DDX19B: variants seen among roughly 807,000 people sequenced by gnomAD.
DDX19B encodes the protein ATP-dependent RNA helicase DDX19B.
Under a neutral mutation model 58.1 loss-of-function variants are expected in DDX19B, and 27 were observed. The ratio of observed to expected loss-of-function variants is 0.46; its 90% confidence interval spans 0.34 to 0.64. The LOEUF is 0.64. DDX19B is among the 30% of genes least tolerant of loss of function. The probability of loss-of-function intolerance (pLI) is 0.01; values close to 1 mark genes in which losing one functional copy is unlikely to be tolerated. For missense variants in DDX19B, 399 were observed against 596.5 expected (o/e 0.67, Z 3.45); for synonymous variants, 187 against 214.4 (o/e 0.87, Z 1.12).
At chr16:70,290,762 T>A (rs776938731), upstream of DDX19B, among the ~76,000 whole-genome samples, 7 of 152,182 alleles carry the variant, frequency 4.6e-5, no homozygotes, top group Non-Finnish European at 1.0e-4. Flanking sequence ...TTCATTTGAT[T>A]TTTAAACTGT....
chr16:70,331,907 C>T, intron 10 of DDX19B, 23 bp downstream of exon 10: 1 of 1,608,698 alleles, frequency 6.2e-7, no homozygotes, highest in African/African-American at 1.3e-5. Context: ...CGTGTCCCAC[C>T]TGGTCTGCCA....
At position 70,325,604 on chromosome 16, in the gene DDX19B, G is replaced by A. The variant is rs751106898; in HGVS notation, c.523G>A (p.Ala175Thr). The A allele has an allele frequency of 4.3e-6, 7 of 1,613,958 alleles. No individual in the cohort carries two copies. The highest frequency in any genetic ancestry group is 2.2e-5 in the East Asian group (1 of 44,874). Reference sequence around the variant, plus strand: ...ATGTCTCTCCCCAACGTATGAGCTCGCCCTCCAAACAGGAAAAGTGATTGA... The same window carrying A: ...ATGTCTCTCCCCAACGTATGAGCTCACCCTCCAAACAGGAAAAGTGATTGA... ...CLCLSPTYEL[A>T]LQTGKVIEQM... is the part of the protein sequence containing the mutation. Residue 175 changes from alanine (A) to threonine (T), a missense_variant, in exon 7 of 12, where the codon GCC becomes ACC. Coordinates refer to ENST00000288071, the MANE Select transcript of DDX19B (RefSeq NM_007242.7).
Position 70,334,860 on chromosome 16 carries a change from G to T in DDX19B, c.*1278G>T, listed in dbSNP as rs557211234. ...AGCAAAGATGAGAGGAAACTGAATT[G>T]CAAGAGCAATATGAAACCCCAACCA... On this transcript the variant is annotated 3_prime_UTR_variant, in exon 12 of 12. Transcript: ENST00000288071. 1 of 152,372 alleles carries T rather than the reference G, an allele frequency of 6.6e-6. No homozygotes were observed. Among genetic ancestry groups the T allele is most frequent in the South Asian group, 2.1e-4 (1 of 4,834 alleles). The allele number at this position is 152,372 out of a possible 1,614,324, so 9.4% of individuals were successfully genotyped here.
chr16:70,329,532 T>G, intron 8 of DDX19B, 63 bp downstream of exon 8: 1 of 1,602,488 alleles, frequency 6.2e-7, no homozygotes, highest in South Asian at 1.1e-5. Context: ...CTCCCTTCAC[T>G]TCAGATGCCT....
chr16:70,331,724 T>A lies in DDX19B; in HGVS notation c.1026T>A (p.Thr342=). Residue 342 remains threonine (T), a splice_region_variant and synonymous_variant, in exon 10 of 12, where the codon ACT becomes ACA. Coordinates refer to ENST00000288071, the MANE Select transcript of DDX19B (RefSeq NM_007242.7). ...TIAQAMIFCH[T]RKTASWLAAE... ...AAAAACAATTCTTTTCACTACAGAC[T>A]CGCAAAACAGCTAGTTGGCTGGCAG... 6.2e-7 allele frequency: 1 copy of A among 1,613,718 alleles called. No individual in the cohort carries two copies. Among genetic ancestry groups the A allele is most frequent in the Non-Finnish European group, 8.5e-7 (1 of 1,179,922 alleles).
upstream of DDX19B, among the ~76,000 whole-genome samples, chr16:70,294,122 C>A (rs1362684213): frequency 6.9e-6 from 1 of 145,046 alleles, no homozygotes; most frequent in African/African-American, 2.6e-5. Context: ...CACTCTGTCG[C>A]CCAGGCTGGA....
chr16:70,304,258 C>T (rs913764599), intron 1 of DDX19B, among the ~76,000 whole-genome samples: 1 of 151,742 alleles, frequency 6.6e-6, no homozygotes, highest in African/African-American at 2.4e-5. Context: ...CCAGGCTGGT[C>T]TCAAACTGCT....
At chr16:70,329,600 G>C (rs1314001073) in intron 8 of DDX19B, 131 bp downstream of exon 8, 1 of 1,413,120 alleles carries the variant, frequency 7.1e-7, no homozygotes, top group Non-Finnish European at 9.7e-7. Context: ...TGTTTGACGG[G>C]CCACTTCCGT....
At chr16:70,330,452 G>C (rs991413080) in intron 9 of DDX19B, among the ~76,000 whole-genome samples, 3 of 152,132 alleles carry the variant, frequency 2.0e-5, no homozygotes, top group African/African-American at 4.8e-5. Flanking sequence ...GCCGTGCGTG[G>C]TGGTGTGCAC....
At position 70,316,119 on chromosome 16, in the gene DDX19B, A is replaced by G. The variant is rs1962389078; in HGVS notation, c.296+15A>G. 1.2e-6 allele frequency: 2 copies of G among 1,613,374 alleles called. No homozygotes were observed. Among genetic ancestry groups the G allele is most frequent in the East Asian group, 4.5e-5 (2 of 44,848 alleles). On this transcript the variant is annotated intron_variant, in intron 4 of 11. Transcript: ENST00000288071. ...GAGCTTCGGCTGTGAGTATTTATTC[A>G]CCTTCTGACTCTTCCCCTTTGCACT...
chr16:70,332,859 AGTGCCGT>A, intron 10 of DDX19B, 102 bp from the exon 11 acceptor site: 1 of 1,593,570 alleles, frequency 6.3e-7, no homozygotes, highest in South Asian at 1.1e-5. Context: ...CACGTCTCTT[AGTGCCGT>A]GTTCCCTTAA....
chr16:70,319,620 G>A (rs1341844159), intron 5 of DDX19B: 1 of 150,302 alleles, frequency 6.7e-6, no homozygotes, highest in Non-Finnish European at 1.5e-5. Context: ...GGCAAGTGTG[G>A]TGGCTCATGC....
At chr16:70,305,642 A>G (rs534663446) in intron 1 of DDX19B, among the ~76,000 whole-genome samples, 165 of 152,286 alleles carry the variant, frequency 1.1e-3, no homozygotes, top group Non-Finnish European at 2.0e-3. Flanking sequence ...ATTAGCCAAT[A>G]TCTCAAGGCA....
At chr16:70,303,972 T>A (rs187572707) in intron 1 of DDX19B, among the ~76,000 whole-genome samples, 29 of 152,336 alleles carry the variant, frequency 1.9e-4, no homozygotes, top group African/African-American at 6.7e-4. Context: ...TTTTAAATTT[T>A]ACATTTATGT....
At chr16:70,318,460 C>G (rs551656532) in intron 5 of DDX19B, among the ~76,000 whole-genome samples, 4 of 151,904 alleles carry the variant, frequency 2.6e-5, no homozygotes, top group South Asian at 4.2e-4. Flanking sequence ...GTGGAGACTT[C>G]TAGACTTTTC....
In DDX19B at chr16:70,314,946, G is replaced by C. The variant is rs529853401; in HGVS notation, c.151G>C (p.Glu51Gln). 6.2e-7 allele frequency: 1 copy of C among 1,608,946 alleles called. No individual in the cohort carries two copies. Residue 51 changes from glutamate to glutamine, a missense_variant, in exon 3 of 12, where the codon GAA becomes CAA. By Grantham distance (29) the Glu-to-Gln change is conservative. Transcript: ENST00000288071. Reference protein sequence around the residue: ...TNANAEKTDEEEKEDRAAQSL... With the variant: ...TNANAEKTDEQEKEDRAAQSL... The stretch of plus-strand genomic sequence containing the variant: ...TGCCAATGCAGAGAAGACAGATGAA[G>C]AAGAGAAAGGTAACACAGCCGTGGA...
chr16:70,325,168 T>TAAGAG (rs1963077726), intron 6 of DDX19B, among the ~76,000 whole-genome samples: 1 of 152,208 alleles, frequency 6.6e-6, no homozygotes, highest in Non-Finnish European at 1.5e-5. Context: ...CTGTTTCCTT[T>TAAGAG]TTCCATGGTG....
At chr16:70,313,934 C>A (rs1962221581) in intron 2 of DDX19B, among the ~76,000 whole-genome samples, 1 of 151,824 alleles carries the variant, frequency 6.6e-6, no homozygotes, top group Non-Finnish European at 1.5e-5. Context: ...CATGGTGAAA[C>A]CCCATCTCTA....
chr16:70,320,962 T>A (rs1302273877), intron 5 of DDX19B, among the ~76,000 whole-genome samples: 2 of 126,798 alleles, frequency 1.6e-5, no homozygotes, highest in Non-Finnish European at 3.4e-5. Flanking sequence ...ACACTAGGCT[T>A]TTTTTTTTTT....
Sources: gnomAD v4.1 joint callset for allele counts (sites outside exome capture counted in the v4.1 genomes callset) on GRCh38, gnomAD v4.1.1 for gene constraint, MANE v1.5 for transcripts, NCBI Gene and HGNC (gene_info 2026-07-23, HGNC 2026-07-21) for gene names.